CEP112: variants seen among roughly 807,000 people sequenced by gnomAD.
CEP112 encodes the protein centrosomal protein 112, also known as centrosomal protein of 112 kDa.
Under a neutral mutation model 153.0 loss-of-function variants are expected in CEP112, and 127 were observed. The observed-to-expected ratio is 0.83, with a 90% CI of 0.72 to 0.96. The LOEUF (loss-of-function observed/expected upper bound fraction) is 0.96, where lower values mean the gene tolerates loss of function less well. CEP112 is among the 40% of genes least tolerant of loss of function. The pLI is 0.00. For synonymous variants in CEP112, 358 were observed against 374.4 expected (o/e 0.96, Z 0.51); for missense variants, 1,089 against 1,101.2 (o/e 0.99, Z 0.16).
chr17:65,826,014 T>C lies in CEP112; in HGVS notation c.2394+25790A>G, dbSNP rs1485006477. 3 of 919,382 alleles carry C rather than the reference T, an allele frequency of 3.3e-6. No homozygotes were observed. In the African/African-American group the frequency reaches 4.9e-5, roughly 15 times the overall value. The allele number at this position is 919,382 out of a possible 1,614,324, so 57.0% of individuals were successfully genotyped here. Reference sequence around the variant, plus strand: ...AATGTGATTGCAGTTTGTTCCATCATCCCTGCCCTATCAAAATTCATCTCC... The same window carrying C: ...AATGTGATTGCAGTTTGTTCCATCACCCCTGCCCTATCAAAATTCATCTCC... On this transcript the variant is annotated intron_variant, in intron 21 of 26. Transcript: ENST00000535342.
chr17:65,994,872 G>A (rs930033067), intron 17 of CEP112, among the ~76,000 whole-genome samples: 7 of 152,042 alleles, frequency 4.6e-5, no homozygotes, highest in Admixed American at 1.3e-4. Context: ...GGCCACTTTC[G>A]GTTCTCTTTC....
At chr17:66,067,034 C>T (rs2067149124) in intron 9 of CEP112, among the ~76,000 whole-genome samples, 157 bp from the exon 10 acceptor site, 1 of 151,624 alleles carries the variant, frequency 6.6e-6, no homozygotes, top group African/African-American at 2.4e-5. Context: ...CACACACACA[C>T]ACACACACAC....
chr17:65,637,470 C>A (rs952943112), intron 25 of CEP112, among the ~76,000 whole-genome samples: 1 of 152,220 alleles, frequency 6.6e-6, no homozygotes, highest in African/African-American at 2.4e-5. Flanking sequence ...CCCTGCCCAC[C>A]ACTGCTGCTT....
intron 16 of CEP112, among the ~76,000 whole-genome samples, chr17:66,024,334 A>T (rs2065114335): frequency 1.3e-5 from 2 of 152,108 alleles, no homozygotes; most frequent in Non-Finnish European, 2.9e-5. Context: ...TCAAGCAAGA[A>T]AAAGAAATAA....
intron 20 of CEP112, among the ~76,000 whole-genome samples, chr17:65,872,038 T>C (rs1178316700): frequency 6.6e-6 from 1 of 152,174 alleles, no homozygotes; most frequent in Non-Finnish European, 1.5e-5. Flanking sequence ...TCACCTGATA[T>C]AAAAATAAAT....
At chr17:65,759,427 G>A (rs903009271) in intron 21 of CEP112, among the ~76,000 whole-genome samples, 1 of 152,054 alleles carries the variant, frequency 6.6e-6, no homozygotes, top group African/African-American at 2.4e-5. Context: ...TATGAATCCA[G>A]TTATGGCCAG....
At chr17:65,772,712 T>C (rs1366529678) in intron 21 of CEP112, among the ~76,000 whole-genome samples, 1 of 152,104 alleles carries the variant, frequency 6.6e-6, no homozygotes, top group Non-Finnish European at 1.5e-5. Context: ...AGGCACTGTA[T>C]GTTTACAGAA....
chr17:65,852,298 C>CCCTTCCCTTCCCTTT (rs2057971229), intron 20 of CEP112, among the ~76,000 whole-genome samples: 1 of 69,756 alleles, frequency 1.4e-5, no homozygotes, highest in Non-Finnish European at 2.9e-5. Flanking sequence ...CTCCTCCCTT[C>CCCTTCCCTTCCCTTT]CCTTCCCTTC....
At chr17:65,755,683 T>TA (rs2052215292) in intron 21 of CEP112, among the ~76,000 whole-genome samples, 1 of 151,730 alleles carries the variant, frequency 6.6e-6, no homozygotes, top group Non-Finnish European at 1.5e-5. Flanking sequence ...ACATACCGTA[T>TA]AATGGAAAGA....
chr17:65,981,975 G>C (rs1463345160), intron 17 of CEP112, among the ~76,000 whole-genome samples: 2 of 152,084 alleles, frequency 1.3e-5, no homozygotes, highest in African/African-American at 4.8e-5. Context: ...AGTAAAAATG[G>C]CCAGCAAGTA....
At chr17:65,714,186 A>G (rs1418196833) in intron 23 of CEP112, among the ~76,000 whole-genome samples, 1 of 152,054 alleles carries the variant, frequency 6.6e-6, no homozygotes, top group African/African-American at 2.4e-5. Context: ...TCTTCCATAC[A>G]TAGGTAAACA....
chr17:65,741,615 A>G (rs994886289), intron 23 of CEP112, among the ~76,000 whole-genome samples: 24 of 151,808 alleles, frequency 1.6e-4, no homozygotes, highest in Non-Finnish European at 1.6e-4. Context: ...GATTTTTTTA[A>G]TCATCAAGAA....
At position 65,976,735 on chromosome 17, in the gene CEP112, C is replaced by CTTTT. The variant is rs771108755; in HGVS notation, c.1737-15141_1737-15138dup. On this transcript the variant is annotated intron_variant, in intron 17 of 26. Transcript: ENST00000535342. ...TTTTAAAGTAAACTTATAACTTTTT[C>CTTTT]TTTTTTTTTTTTTTTTTTTGAGACA... Among the ~76,000 whole-genome samples, 751 of 85,236 alleles carry CTTTT rather than the reference C, an allele frequency of 8.8e-3. 17 individuals carry two copies. The highest frequency in any genetic ancestry group is 0.013 in the Non-Finnish European group (575 of 43,628). 55.9% of individuals were successfully genotyped at this position (85,236 alleles called of 152,430 possible).
chr17:66,188,225 A>G (rs1176644775), intron 1 of CEP112, among the ~76,000 whole-genome samples: 2 of 151,610 alleles, frequency 1.3e-5, no homozygotes, highest in African/African-American at 4.9e-5. Flanking sequence ...TACTATCCAA[A>G]CCCAAAGTTA....
At chr17:66,091,228 C>T (rs2068119535) in intron 8 of CEP112, among the ~76,000 whole-genome samples, 1 of 152,028 alleles carries the variant, frequency 6.6e-6, no homozygotes, top group Non-Finnish European at 1.5e-5. Context: ...CATTCAGTGG[C>T]CACAGAATAC....
intron 6 of CEP112, among the ~76,000 whole-genome samples, chr17:66,123,443 A>T (rs540740019): frequency 1.4e-4 from 21 of 152,336 alleles, no homozygotes; most frequent in African/African-American, 5.0e-4. Flanking sequence ...GGAACAGGGG[A>T]AAAGTGAAAG....
chr17:65,946,205 TTTG>T (rs987094540), intron 18 of CEP112, among the ~76,000 whole-genome samples: 30 of 152,296 alleles, frequency 2.0e-4, no homozygotes, highest in African/African-American at 6.5e-4. Context: ...TTTAAAATAT[TTTG>T]TTTTTTATGC....
At chr17:66,045,516 T>TA (rs2066167729) in intron 12 of CEP112, among the ~76,000 whole-genome samples, 1 of 152,172 alleles carries the variant, frequency 6.6e-6, no homozygotes, top group Non-Finnish European at 1.5e-5. Context: ...ACATACTCCC[T>TA]AAAGCAGTGA....
At chr17:66,163,714 T>A (rs2071810861) in intron 4 of CEP112, among the ~76,000 whole-genome samples, 2 of 152,126 alleles carry the variant, frequency 1.3e-5, no homozygotes, top group Admixed American at 1.3e-4. Context: ...AAAACAAATT[T>A]AAAAATCGTA....
Sources: allele counts gnomAD v4.1 joint callset (sites outside exome capture counted in the v4.1 genomes callset), GRCh38; gene constraint gnomAD v4.1.1; transcripts MANE v1.5; gene names NCBI Gene and HGNC (gene_info 2026-07-23, HGNC 2026-07-21).